The following KCNQ5 variants were observed in gnomAD, a reference collection of about 807,000 sequenced individuals.
KCNQ5 encodes potassium voltage-gated channel subfamily Q member 5, also known as potassium voltage-gated channel subfamily KQT member 5.
KCNQ5 carries 30 observed loss-of-function variants against 98.2 expected under a neutral mutation model. The observed-to-expected ratio is 0.31, with a 90% CI of 0.23 to 0.41. The LOEUF (loss-of-function observed/expected upper bound fraction) is 0.41. KCNQ5 is among the 10% of genes least tolerant of loss of function. The pLI is 1.00. For missense variants in KCNQ5, 835 were observed against 1,182.5 expected (o/e 0.71, Z 4.31); for synonymous variants, 458 against 449.4 (o/e 1.02, Z -0.24).
At chr6:72,789,301 A>C (rs6930400) in intron 1 of KCNQ5, among the ~76,000 whole-genome samples, 90,861 of 151,872 alleles carry the variant, frequency 0.6, 27,202 homozygotes, top group Admixed American at 0.65. Flanking sequence ...AGATCACAGG[A>C]GCCCGCCACC....
At chr6:73,159,193 G>A (rs1214018020) in intron 10 of KCNQ5, among the ~76,000 whole-genome samples, 2 of 152,178 alleles carry the variant, frequency 1.3e-5, no homozygotes, top group Admixed American at 1.3e-4. Context: ...CATGTCCTTT[G>A]CAGGAACACA....
chr6:72,661,524 C>G (rs1469983131), intron 1 of KCNQ5, among the ~76,000 whole-genome samples: 1 of 151,880 alleles, frequency 6.6e-6, no homozygotes, highest in African/African-American at 2.4e-5. Flanking sequence ...TTTTTTTTCC[C>G]CATAGGAGTA....
chr6:73,141,849 G>A (rs1776726524), intron 10 of KCNQ5, among the ~76,000 whole-genome samples: 1 of 152,178 alleles, frequency 6.6e-6, no homozygotes, highest in Non-Finnish European at 1.5e-5. Flanking sequence ...TTGTTACATA[G>A]CAAATTACCC....
At chr6:73,112,665 T>C (rs1211829261) in intron 7 of KCNQ5, among the ~76,000 whole-genome samples, 1 of 152,124 alleles carries the variant, frequency 6.6e-6, no homozygotes. Context: ...TGTTTTAATT[T>C]AGATTGTAGG....
intron 1 of KCNQ5, among the ~76,000 whole-genome samples, chr6:72,727,241 C>T (rs934325474): frequency 6.6e-6 from 1 of 152,224 alleles, no homozygotes; most frequent in East Asian, 1.9e-4. Context: ...TAACTTCTCG[C>T]ATAGTCACTT....
chr6:72,844,875 A>G (rs1776954313), intron 1 of KCNQ5, among the ~76,000 whole-genome samples: 1 of 152,214 alleles, frequency 6.6e-6, no homozygotes, highest in South Asian at 2.1e-4. Context: ...CAATTAAGGA[A>G]ACAAGTTTCC....
At chr6:72,698,820 A>AT (rs1462503582) in intron 1 of KCNQ5, among the ~76,000 whole-genome samples, 4 of 150,562 alleles carry the variant, frequency 2.7e-5, no homozygotes, top group Non-Finnish European at 4.4e-5. Flanking sequence ...ATGCCTGGCT[A>AT]TTTTTTTATT....
At chr6:72,936,749 A>T (rs1416731209) in intron 1 of KCNQ5, among the ~76,000 whole-genome samples, 1 of 152,240 alleles carries the variant, frequency 6.6e-6, no homozygotes, top group Non-Finnish European at 1.5e-5. Flanking sequence ...TAAATGCTGT[A>T]ACAAATTCTT....
intron 1 of KCNQ5, among the ~76,000 whole-genome samples, chr6:72,713,852 T>G (rs74976508): frequency 0.013 from 2,028 of 152,278 alleles, 34 homozygotes; most frequent in African/African-American, 0.042. Context: ...GCAGACTCTC[T>G]TGCCTTTCTA....
rs778198612 is a variant in KCNQ5 at position 73,060,887 on chromosome 6, AATAGGCACTC to A, written c.617-16433_617-16424del. On this transcript the variant is annotated intron_variant, in intron 3 of 13. Coordinates refer to ENST00000370398, the MANE Select transcript of KCNQ5 (RefSeq NM_019842.4). ...CACTTTATTGATGAGACTGCAAGGA[AATAGGCACTC>A]ACATGCCACAGGAGTGCAAAGGGGT... Among the ~76,000 whole-genome samples, 23 of 152,218 alleles carry A rather than the reference AATAGGCACTC, an allele frequency of 1.5e-4. 1 individual carries two copies. The highest frequency in any genetic ancestry group is 5.9e-4 in the Admixed American group (9 of 15,276).
chr6:72,669,910 C>CA (rs1554685703), intron 1 of KCNQ5, among the ~76,000 whole-genome samples: 1 of 134,998 alleles, frequency 7.4e-6, no homozygotes, highest in Non-Finnish European at 1.6e-5. Context: ...ACTTTCTTTC[C>CA]TTTTTTTTTT....
chr6:73,168,893 A>G (rs190269495), intron 10 of KCNQ5, among the ~76,000 whole-genome samples: 18 of 152,310 alleles, frequency 1.2e-4, no homozygotes, highest in Admixed American at 5.9e-4. Context: ...CTTTAACAAT[A>G]TACTGTGACA....
intron 1 of KCNQ5, among the ~76,000 whole-genome samples, chr6:72,756,335 C>A (rs1374370700): frequency 6.6e-6 from 1 of 152,158 alleles, no homozygotes; most frequent in Non-Finnish European, 1.5e-5. Flanking sequence ...GAACAACGTT[C>A]TCTTGTATCT....
intron 1 of KCNQ5, among the ~76,000 whole-genome samples, chr6:72,828,753 T>C (rs1257352038): frequency 2.0e-5 from 3 of 152,078 alleles, no homozygotes; most frequent in Non-Finnish European, 4.4e-5. Flanking sequence ...TCCTTTATAA[T>C]GTGGATGCCT....
At chr6:72,724,220 G>A (rs1268067609) in intron 1 of KCNQ5, among the ~76,000 whole-genome samples, 1 of 151,964 alleles carries the variant, frequency 6.6e-6, no homozygotes, top group Non-Finnish European at 1.5e-5. Context: ...AAACTTGGTA[G>A]TAATACTACT....
chr6:73,024,381 T>TGATAGATAGATAGATA (rs1554198956), intron 2 of KCNQ5, among the ~76,000 whole-genome samples: 2,437 of 120,624 alleles, frequency 0.02, 46 homozygotes, highest in African/African-American at 0.05. Flanking sequence ...GATAGATAGA[T>TGATAGATAGATAGATA]GATAGATAGA....
At chr6:72,999,680 T>C (rs1167825154) in intron 1 of KCNQ5, among the ~76,000 whole-genome samples, 1 of 152,180 alleles carries the variant, frequency 6.6e-6, no homozygotes, top group African/African-American at 2.4e-5. Flanking sequence ...TATATGTGAC[T>C]ACAAAAGGAA....
rs74752096 is a variant in KCNQ5 at position 73,052,419 on chromosome 6, C to T, written c.616+10357C>T. ...TGTGAGATACTATACAGATAACCAT[C>T]CCCAAGACACATACTTGTCAGATTC... On this transcript the variant is annotated intron_variant, in intron 3 of 13. Coordinates refer to ENST00000370398, the MANE Select transcript of KCNQ5 (RefSeq NM_019842.4). Among the ~76,000 whole-genome samples, 1,126 of 152,198 alleles carry T rather than the reference C, an allele frequency of 7.4e-3. 16 individuals are homozygous for T. The highest frequency in any genetic ancestry group is 0.026 in the African/African-American group (1,095 of 41,522).
chr6:72,700,404 C>T lies in KCNQ5; in HGVS notation c.398+77817C>T, dbSNP rs1196936964. Among the ~76,000 whole-genome samples, 11 of 152,100 alleles carry T rather than the reference C, an allele frequency of 7.2e-5. No individual in the cohort carries two copies. In the South Asian group the frequency reaches 2.1e-3, roughly 29 times the overall value. On this transcript the variant is annotated intron_variant, in intron 1 of 13. Transcript: ENST00000370398. The stretch of plus-strand genomic sequence containing the variant: ...TCTGCCATGAATAATTCCATCCCTA[C>T]CATCACTATTCTGGCTCAGGCCCAT...
Sources: gnomAD v4.1 joint callset for allele counts (sites outside exome capture counted in the v4.1 genomes callset) on GRCh38, gnomAD v4.1.1 for gene constraint, MANE v1.5 for transcripts, NCBI Gene and HGNC (gene_info 2026-07-23, HGNC 2026-07-21) for gene names.